ZNF253: variants seen among roughly 807,000 people sequenced by gnomAD.
ZNF253 encodes DNA-binding protein.
ZNF253 carries 8 observed loss-of-function variants against 11.9 expected under a neutral mutation model. The observed-to-expected ratio is 0.67, with a 90% confidence interval of 0.40 to 1.22. The LOEUF (loss-of-function observed/expected upper bound fraction) is 1.22, where lower values mean the gene tolerates loss of function less well. Ranked by LOEUF, ZNF253 falls within the 50% of genes most tolerant of loss-of-function variation. The probability of loss-of-function intolerance (pLI) is 0.01; values close to 1 mark genes in which losing one functional copy is unlikely to be tolerated. For synonymous variants in ZNF253, 194 were observed against 194.9 expected (o/e 1.00, Z 0.04); for missense variants, 485 against 586.9 (o/e 0.83, Z 1.79).
chr19:19,885,221 TTCTTTCTTTC>T lies in ZNF253; in HGVS notation c.226+5077_226+5086del, dbSNP rs1030404174. On this transcript the variant is annotated intron_variant, in intron 3 of 3. Transcript: ENST00000589717. ...ATGTCATGTCTTTTTTTTGTATTCT[TTCTTTCTTTC>T]TTTCTTTCTTTCTTTCTTTCTTTCT... Among the ~76,000 whole-genome samples the T allele has an allele frequency of 2.6e-4, 10 of 39,086 alleles. 1 individual carries two copies. Among genetic ancestry groups the T allele is most frequent in the South Asian group, 8.1e-4 (1 of 1,228 alleles). The allele number at this position is 39,086 out of a possible 152,430, so 25.6% of individuals were successfully genotyped here. A position where few individuals can be genotyped will look rare whatever the true frequency, so the allele number is the denominator to read the frequency against.
At chr19:19,874,149 G>T (rs1237342771) in intron 1 of ZNF253, among the ~76,000 whole-genome samples, 1 of 151,968 alleles carries the variant, frequency 6.6e-6, no homozygotes. Context: ...ACCTCAGGTG[G>T]TCTGCCCGCC....
intron 3 of ZNF253, among the ~76,000 whole-genome samples, chr19:19,890,498 T>TCGTG (rs1555778368): frequency 7.1e-6 from 1 of 140,952 alleles, no homozygotes; most frequent in Admixed American, 7.2e-5. Context: ...CAATTTATAT[T>TCGTG]TGTGTGTGTG....
intron 3 of ZNF253, among the ~76,000 whole-genome samples, chr19:19,881,648 C>CA (rs11301803): frequency 0.019 from 1,802 of 95,366 alleles, 21 homozygotes; most frequent in Middle Eastern, 0.055. Flanking sequence ...GACTCCTACT[C>CA]AAAAAAAAAA....
chr19:19,867,375 T>G (rs144221049), intron 1 of ZNF253, among the ~76,000 whole-genome samples: 1 of 152,352 alleles, frequency 6.6e-6, no homozygotes, highest in African/African-American at 2.4e-5. Context: ...TTTTATTTTA[T>G]TTTTGGAGAC....
Position 19,890,894 on chromosome 19 carries a change from T to G in ZNF253, c.227-580T>G, listed in dbSNP as rs1405606874. Among the ~76,000 whole-genome samples the G allele has an allele frequency of 5.9e-5, 8 of 135,994 alleles. No homozygotes were observed. The Admixed American group carries it at 7.1e-4, about 12-fold the overall frequency. 89.2% of individuals were successfully genotyped at this position (135,994 alleles called of 152,430 possible). On this transcript the variant is annotated intron_variant, in intron 3 of 3. Coordinates refer to ENST00000589717, the MANE Select transcript of ZNF253 (RefSeq NM_021047.3). Reference sequence around the variant, plus strand: ...TCTCACTCTGTTGCCCAGGCTGGAGTGCAGTGGTGCAATCTTGGCTCACTG... The same window carrying G: ...TCTCACTCTGTTGCCCAGGCTGGAGGGCAGTGGTGCAATCTTGGCTCACTG...
At chr19:19,880,271 CTG>C in intron 3 of ZNF253, 125 bp downstream of exon 3, 10 of 427,298 alleles carry the variant, frequency 2.3e-5, no homozygotes, top group East Asian at 1.2e-4. Flanking sequence ...TCCTGGGCAG[CTG>C]TTTTTTTTTT....
intron 3 of ZNF253, among the ~76,000 whole-genome samples, chr19:19,890,723 A>G (rs909401502): frequency 6.6e-6 from 1 of 151,350 alleles, no homozygotes; most frequent in African/African-American, 2.4e-5. Flanking sequence ...GGGTTTCACC[A>G]TGTTGGTCAG....
intron 1 of ZNF253, among the ~76,000 whole-genome samples, chr19:19,874,982 A>G (rs2063149291): frequency 1.3e-5 from 2 of 152,110 alleles, no homozygotes; most frequent in Admixed American, 1.3e-4. Flanking sequence ...AAAAAACAAA[A>G]CTGGAAGTAC....
At chr19:19,884,406 C>CT (rs1289421896) in intron 3 of ZNF253, among the ~76,000 whole-genome samples, 1 of 151,776 alleles carries the variant, frequency 6.6e-6, no homozygotes. Flanking sequence ...GAGTCTCCCG[C>CT]TGTCACCCAG....
chr19:19,890,593 G>C (rs2063224783), intron 3 of ZNF253, among the ~76,000 whole-genome samples: 2 of 145,642 alleles, frequency 1.4e-5, no homozygotes, highest in South Asian at 4.7e-4. Context: ...AAAAATCTTA[G>C]CTCACTACAA....
In ZNF253 at chr19:19,892,519, C is replaced by A; in HGVS notation, c.1272C>A (p.Tyr424Ter). The A allele has an allele frequency of 1.9e-6, 3 of 1,613,844 alleles. No homozygotes were observed. The highest frequency in any genetic ancestry group is 2.5e-6 in the Non-Finnish European group (3 of 1,179,926). The change falls in exon 4 of 4, where the codon TAC (tyrosine) becomes TAA (stop). Residue 424 changes from tyrosine (Y) to a stop codon, truncating the protein, a stop_gained. Transcript: ENST00000589717. LOFTEE classifies it low-confidence loss of function (END_TRUNC). ...GAACTCATACTGGAGAGAAACCCTACAAATGTGAAGAATGTGGCAAATCCT... is the reference window on the plus strand; with the variant it reads ...GAACTCATACTGGAGAGAAACCCTAAAAATGTGAAGAATGTGGCAAATCCT... ...HKRTHTGEKPYKCEECGKSFT... is the reference protein window; with the variant it reads ...HKRTHTGEKP
chr19:19,891,069 C>T (rs760838961), intron 3 of ZNF253, among the ~76,000 whole-genome samples: 22 of 151,634 alleles, frequency 1.5e-4, no homozygotes, highest in African/African-American at 3.6e-4. Flanking sequence ...CTTGAACTCC[C>T]GACCTCATGA....
At position 19,885,309 on chromosome 19, in the gene ZNF253, T is replaced by TC. The variant is rs1394874290; in HGVS notation, c.226+5164dup. ...TTTCTTTCTCTTTCTTTTCTTTCTTTCTTTCTTTCTTTCTTTCTTTCTTTC... is the reference window on the plus strand; with the variant it reads ...TTTCTTTCTCTTTCTTTTCTTTCTTTCCTTTCTTTCTTTCTTTCTTTCTTTC... On this transcript the variant is annotated intron_variant, in intron 3 of 3. Transcript: ENST00000589717. Among the ~76,000 whole-genome samples, 8 of 73,678 alleles carry TC rather than the reference T, an allele frequency of 1.1e-4. 2 individuals are homozygous for TC. Among genetic ancestry groups the TC allele is most frequent in the African/African-American group, 6.3e-4 (6 of 9,558 alleles). The allele number at this position is 73,678 out of a possible 152,430, so 48.3% of individuals were successfully genotyped here.
Position 19,870,957 on chromosome 19 carries a change from A to G in ZNF253, c.3+4958A>G, listed in dbSNP as rs924483383. Reference sequence around the variant, plus strand: ...TTCTGGCTCATTTGATCAATCTGATATCTAACCTGAGCTTTTTTAAAAGAT... The same window carrying G: ...TTCTGGCTCATTTGATCAATCTGATGTCTAACCTGAGCTTTTTTAAAAGAT... On this transcript the variant is annotated intron_variant, in intron 1 of 3. Transcript: ENST00000589717. The G allele has an allele frequency of 2.0e-5, 3 of 152,296 alleles. No individual in the cohort carries two copies. In the South Asian group the frequency reaches 6.2e-4, roughly 32 times the overall value. 9.4% of individuals were successfully genotyped at this position (152,296 alleles called of 1,614,324 possible). A position where few individuals can be genotyped will look rare whatever the true frequency, so the allele number is the denominator to read the frequency against.
chr19:19,891,738 C>A lies in ZNF253; in HGVS notation c.491C>A (p.Thr164Lys). Residue 164 changes from threonine (T) to lysine (K), a missense_variant, in exon 4 of 4, where the codon ACA becomes AAA. This residue lies in a region of ZNF253 where 218 missense variants were observed against 213.1 expected (regional missense o/e 1.02). Transcript: ENST00000589717. ...HKFSNSNTYK[T>K]RHTGINLFKC... ...TTTTCAAATTCAAACACATATAAGA[C>A]AAGACATACTGGAATAAATCTTTTC... is the stretch of plus-strand genomic sequence containing the variant. 6.2e-7 allele frequency: 1 copy of A among 1,614,028 alleles called. No individual in the cohort carries two copies. The highest frequency in any genetic ancestry group is 1.1e-5 in the South Asian group (1 of 91,070).
At chr19:19,881,726 CTGTA>C (rs2122122683) in intron 3 of ZNF253, among the ~76,000 whole-genome samples, 1 of 151,050 alleles carries the variant, frequency 6.6e-6, no homozygotes, top group South Asian at 2.1e-4. Context: ...AATTTACTGA[CTGTA>C]TTTATTAGTT....
Position 19,880,367 on chromosome 19 carries a change from C to G in ZNF253, c.226+221C>G, listed in dbSNP as rs79052387. ...TTCTACTTCTCCTTTGGTGAGCTTC[C>G]TTCAGGTTCACAGTGAGAGCCAAAG... On this transcript the variant is annotated intron_variant, in intron 3 of 3. Coordinates refer to ENST00000589717, the MANE Select transcript of ZNF253 (RefSeq NM_021047.3). Among the ~76,000 whole-genome samples the G allele has an allele frequency of 2.2e-3, 327 of 150,242 alleles. 13 individuals carry two copies. The East Asian group carries it at 0.062, about 28-fold the overall frequency.
chr19:19,892,112 T>C lies in ZNF253; in HGVS notation c.865T>C (p.Cys289Arg). The C allele has an allele frequency of 6.2e-7, 1 of 1,614,062 alleles. No homozygotes were observed. The highest frequency in any genetic ancestry group is 8.5e-7 in the Non-Finnish European group (1 of 1,180,022). ...TGEKPYKCEECGKAFKHPSHV... is the reference protein window; with the variant it reads ...TGEKPYKCEERGKAFKHPSHV... ...AGAGAAACCCTACAAATGTGAAGAATGTGGCAAAGCCTTTAAGCACCCCTC... is the reference window on the plus strand; with the variant it reads ...AGAGAAACCCTACAAATGTGAAGAACGTGGCAAAGCCTTTAAGCACCCCTC... The change falls in exon 4 of 4, where the codon TGT becomes CGT. Residue 289 changes from cysteine (C) to arginine (R), a missense_variant. Around this residue, in one of 3 missense-constraint regions of ZNF253, gnomAD observed 232 missense variants for 321.4 expected, o/e 0.72. Coordinates refer to ENST00000589717, the MANE Select transcript of ZNF253 (RefSeq NM_021047.3).
chr19:19,872,234 A>G (rs2063136600), intron 1 of ZNF253, among the ~76,000 whole-genome samples: 2 of 152,096 alleles, frequency 1.3e-5, no homozygotes, highest in African/African-American at 4.8e-5. Flanking sequence ...AAGAATCTCC[A>G]CTTTCCCCTT....
Sources: gnomAD v4.1 joint callset for allele counts (sites outside exome capture counted in the v4.1 genomes callset) on GRCh38, gnomAD v4.1.1 for gene constraint, gnomAD v4.1.1 regional missense constraint, MANE v1.5 for transcripts, NCBI Gene and HGNC (gene_info 2026-07-23, HGNC 2026-07-21) for gene names.